Variants in STAB2 observed in about 807,000 individuals in gnomAD.
STAB2 encodes the protein stabilin-2.
Under a neutral mutation model 338.1 loss-of-function variants are expected in STAB2, and 288 were observed. That is an observed-to-expected ratio of 0.85 (90% confidence interval 0.77 to 0.94). The LOEUF (loss-of-function observed/expected upper bound fraction) is 0.94, where lower values mean the gene tolerates loss of function less well. Ranked by LOEUF, STAB2 falls within the 40% of genes least tolerant of loss-of-function variation. STAB2 has a pLI of 0.00. For missense variants in STAB2, 3,141 were observed against 3,210.1 expected (o/e 0.98, Z 0.52); for synonymous variants, 1,202 against 1,193.3 (o/e 1.01, Z -0.15).
Position 103,654,572 on chromosome 12 carries a change from T to C in STAB2, c.1425T>C (p.Leu475=), listed in dbSNP as rs1385058447. 9.3e-6 allele frequency: 15 copies of C among 1,613,916 alleles called. No individual in the cohort carries two copies. The highest frequency in any genetic ancestry group is 1.1e-5 in the Non-Finnish European group (13 of 1,179,982). ...FNSDKDNQIK[L]KLHGGKKKVK... is the part of the protein sequence containing the mutation. ...TGTTTTAGGACAATCAAATAAAGCT[T>C]AAACTCCATGGAGGCAAAAAGAAGG... The change falls in exon 13 of 69, where the codon CTT becomes CTC. Residue 475 remains leucine (L), a synonymous_variant. Transcript: ENST00000388887.
Position 103,766,271 on chromosome 12 carries a change from C to A in STAB2, c.7606-15C>A. 1 of 1,614,038 alleles carries A rather than the reference C, an allele frequency of 6.2e-7. No individual in the cohort carries two copies. The highest frequency in any genetic ancestry group is 8.5e-7 in the Non-Finnish European group (1 of 1,180,002). On this transcript the variant is annotated splice_polypyrimidine_tract_variant and intron_variant, in intron 68 of 68. Transcript: ENST00000388887. ...CACAGAATGCCCTGCCCCCTTACAACCCTCTCTTTTCCAGGACTCTGAAGA... is the reference window on the plus strand; with the variant it reads ...CACAGAATGCCCTGCCCCCTTACAAACCTCTCTTTTCCAGGACTCTGAAGA...
rs75433688 is a variant in STAB2 at position 103,670,719 on chromosome 12, C to T, written c.2283C>T (p.Asn761=). 438 of 1,614,072 alleles carry T rather than the reference C, an allele frequency of 2.7e-4. 1 individual carries two copies. The African/African-American group carries it at 4.7e-3, about 17-fold the overall frequency. ...NGQCADSLGG[N]GTCICEEGFQ... is the part of the protein sequence containing the mutation. The stretch of plus-strand genomic sequence containing the variant: ...AGTGTGCAGATAGCCTCGGCGGCAA[C>T]GGGACATGCATTTGTGAGGAGGGCT... The change falls in exon 22 of 69, where the codon AAC becomes AAT. Residue 761 remains asparagine (N), a synonymous_variant. Transcript: ENST00000388887.
chr12:103,663,675 G>C (rs1055434587), intron 18 of STAB2, among the ~76,000 whole-genome samples: 1 of 152,068 alleles, frequency 6.6e-6, no homozygotes, highest in South Asian at 2.1e-4. Context: ...TAAGGACATC[G>C]ATCATTATAT....
At chr12:103,604,536 G>A (rs1334813150) in intron 3 of STAB2, among the ~76,000 whole-genome samples, 2 of 151,818 alleles carry the variant, frequency 1.3e-5, no homozygotes, top group Non-Finnish European at 2.9e-5. Context: ...TCAATTTCTT[G>A]GATATAAGAA....
At chr12:103,667,340 C>A (rs1474199033) in intron 19 of STAB2, among the ~76,000 whole-genome samples, 1 of 152,160 alleles carries the variant, frequency 6.6e-6, no homozygotes, top group Non-Finnish European at 1.5e-5. Flanking sequence ...TTGCTGTGTG[C>A]CAGACATTGT....
At chr12:103,636,179 T>A (rs973809102) in intron 6 of STAB2, among the ~76,000 whole-genome samples, 1 of 151,672 alleles carries the variant, frequency 6.6e-6, no homozygotes, top group Non-Finnish European at 1.5e-5. Context: ...GTGTATCTCC[T>A]AATGCTATCC....
chr12:103,592,408 T>A (rs948947115), intron 2 of STAB2, among the ~76,000 whole-genome samples: 10 of 151,690 alleles, frequency 6.6e-5, no homozygotes, highest in Non-Finnish European at 1.5e-4. Flanking sequence ...CACACACACA[T>A]ACACACACAC....
intron 27 of STAB2, among the ~76,000 whole-genome samples, chr12:103,687,052 A>T (rs181128625): frequency 2.6e-5 from 4 of 152,170 alleles, no homozygotes; most frequent in Non-Finnish European, 5.9e-5. Context: ...CAACTACTAG[A>T]TGGAATTGAG....
rs1218616811 is a variant in STAB2, at chr12:103,705,688, G to A, written c.3957G>A (p.Leu1319=). The change falls in exon 37 of 69, where the codon CTG becomes CTA. Residue 1319 remains leucine (L), a synonymous_variant. Transcript: ENST00000388887. ...CCTATTTCATGGGAAGACGAACCCT[G>A]TTTATTGGGTGCCAGCCAAAATGTG... ...YTSYFMGRRT[L]FIGCQPKCVR... is the part of the protein sequence containing the mutation. The A allele has an allele frequency of 1.9e-6, 3 of 1,614,062 alleles. No individual in the cohort carries two copies. The African/African-American group carries it at 4.0e-5, about 22-fold the overall frequency.
chr12:103,762,069 C>G (rs1286846349), intron 66 of STAB2, among the ~76,000 whole-genome samples: 1 of 152,204 alleles, frequency 6.6e-6, no homozygotes, highest in Non-Finnish European at 1.5e-5. Flanking sequence ...TAATAACTCT[C>G]CCTATCTCTT....
chr12:103,587,600 T>C (rs1354568845), intron 1 of STAB2, 43 bp downstream of exon 1: 1 of 1,515,282 alleles, frequency 6.6e-7, no homozygotes, highest in Admixed American at 1.7e-5. Flanking sequence ...TTAATTGTCA[T>C]GATATGTTCA....
chr12:103,704,683 C>T, intron 36 of STAB2, 69 bp downstream of exon 36: 1 of 1,386,404 alleles, frequency 7.2e-7, no homozygotes, highest in Non-Finnish European at 1.0e-6. Flanking sequence ...AAATGAACCT[C>T]AAGATTATGT....
At chr12:103,612,299 C>A (rs1236441225) in intron 3 of STAB2, among the ~76,000 whole-genome samples, 3 of 152,224 alleles carry the variant, frequency 2.0e-5, no homozygotes, top group Non-Finnish European at 4.4e-5. Flanking sequence ...TAGTTCCATT[C>A]TCCCCATCAC....
At chr12:103,649,897 C>T (rs912933547) in intron 10 of STAB2, among the ~76,000 whole-genome samples, 1 of 152,088 alleles carries the variant, frequency 6.6e-6, no homozygotes, top group African/African-American at 2.4e-5. Context: ...GTTGACCTTT[C>T]ACCTTCCCCA....
intron 63 of STAB2, 86 bp from the exon 64 acceptor site, chr12:103,758,084 T>C: frequency 5.1e-6 from 8 of 1,578,974 alleles, no homozygotes; most frequent in Middle Eastern, 1.9e-4. Flanking sequence ...TATTCACAGA[T>C]GGGTGATGCC....
intron 20 of STAB2, chr12:103,668,964 C>T (rs1875446640): frequency 2.4e-6 from 1 of 424,622 alleles, no homozygotes; most frequent in Non-Finnish European, 4.2e-6. Context: ...TAACACTTCC[C>T]CACATGGCCC....
intron 15 of STAB2, among the ~76,000 whole-genome samples, chr12:103,656,774 C>A (rs1460733593): frequency 6.7e-6 from 1 of 149,792 alleles, no homozygotes; most frequent in African/African-American, 2.5e-5. Flanking sequence ...GCAAGCTCCG[C>A]TTCCCGGGTT....
chr12:103,671,311 G>C (rs1210646344), intron 22 of STAB2, among the ~76,000 whole-genome samples: 2 of 152,120 alleles, frequency 1.3e-5, no homozygotes, highest in Non-Finnish European at 2.9e-5. Context: ...AATTAGCAGG[G>C]TGTGGTGGCA....
chr12:103,614,353 G>A (rs1354574287), intron 3 of STAB2, among the ~76,000 whole-genome samples: 1 of 152,156 alleles, frequency 6.6e-6, no homozygotes, highest in Non-Finnish European at 1.5e-5. Flanking sequence ...AGCACCTGGT[G>A]GATAAGTTTA....
Sources: allele counts gnomAD v4.1 joint callset (sites outside exome capture counted in the v4.1 genomes callset), GRCh38; gene constraint gnomAD v4.1.1; transcripts MANE v1.5; gene names NCBI Gene and HGNC (gene_info 2026-07-23, HGNC 2026-07-21).